SHISA6: variants seen among roughly 807,000 people sequenced by gnomAD.
SHISA6 encodes protein shisa-6.
In SHISA6, 22 loss-of-function variants were observed where a neutral mutation model predicts 47.9. The observed-to-expected ratio is 0.46, with a 90% confidence interval of 0.33 to 0.66. SHISA6 has a LOEUF of 0.66. Among genes scored for constraint, SHISA6 ranks in the 30% least tolerant of loss-of-function variants. The probability of loss-of-function intolerance (pLI) is 0.02; values close to 1 mark genes in which losing one functional copy is unlikely to be tolerated. For missense variants in SHISA6, 680 were observed against 764.6 expected, an observed-to-expected ratio of 0.89 and a Z score of 1.30; for synonymous variants, 388 against 337.8, an observed-to-expected ratio of 1.15 and a Z score of -1.63.
chr17:11,540,585 T>C (rs1408261185), intron 3 of SHISA6, among the ~76,000 whole-genome samples: 2 of 152,208 alleles, frequency 1.3e-5, no homozygotes, highest in Non-Finnish European at 2.9e-5. Context: ...CACTTTTGAA[T>C]GTAGTCCTTT....
intron 3 of SHISA6, among the ~76,000 whole-genome samples, chr17:11,516,392 T>A (rs2071585873): frequency 6.6e-6 from 1 of 152,192 alleles, no homozygotes. Flanking sequence ...TAGGGGCCCT[T>A]GACAACACAC....
intron 3 of SHISA6, among the ~76,000 whole-genome samples, chr17:11,415,274 G>T (rs754441911): frequency 6.6e-6 from 1 of 152,028 alleles, no homozygotes; most frequent in Non-Finnish European, 1.5e-5. Context: ...TAAAACTGAG[G>T]CACAGATAAT....
intron 2 of SHISA6, among the ~76,000 whole-genome samples, chr17:11,343,006 G>A (rs762123780): frequency 4.6e-5 from 7 of 152,142 alleles, no homozygotes; most frequent in Admixed American, 1.3e-4. Context: ...CAGTGCATGC[G>A]GCAGAAAGTG....
intron 1 of SHISA6, among the ~76,000 whole-genome samples, chr17:11,261,422 A>T (rs2142144958): frequency 6.6e-6 from 1 of 152,360 alleles, no homozygotes; most frequent in Middle Eastern, 3.4e-3. Flanking sequence ...CCCACTGGGC[A>T]TCAGGAGCCC....
intron 1 of SHISA6, among the ~76,000 whole-genome samples, chr17:11,259,219 G>T (rs2079729): frequency 0.01 from 1,556 of 152,264 alleles, 26 homozygotes; most frequent in African/African-American, 0.036. Flanking sequence ...GTGGTATATA[G>T]TCAGCCCCTG....
chr17:11,252,967 A>G (rs1046820057), intron 1 of SHISA6, among the ~76,000 whole-genome samples: 2 of 152,234 alleles, frequency 1.3e-5, no homozygotes, highest in East Asian at 1.9e-4. Context: ...GGAAATATCA[A>G]TGCGTTTCAG....
chr17:11,392,555 C>A (rs1372798288), intron 3 of SHISA6, among the ~76,000 whole-genome samples: 1 of 152,194 alleles, frequency 6.6e-6, no homozygotes, highest in Non-Finnish European at 1.5e-5. Flanking sequence ...CACACCTAGA[C>A]CCCGCTTTGC....
chr17:11,524,476 CT>C (rs1461997677), intron 3 of SHISA6, among the ~76,000 whole-genome samples: 2 of 150,866 alleles, frequency 1.3e-5, no homozygotes, highest in Non-Finnish European at 1.5e-5. Flanking sequence ...TCCATAATTT[CT>C]TTTCTTTTTT....
rs532639816 is a variant in SHISA6 at position 11,354,558 on chromosome 17, C to T, written c.800-24856C>T. Among the ~76,000 whole-genome samples, 4 of 152,328 alleles carry T rather than the reference C, an allele frequency of 2.6e-5. No individual in the cohort carries two copies. The East Asian group carries it at 5.8e-4, about 22-fold the overall frequency. ...CAGTTGGGAGTAAATTAATGAGACG[C>T]ATCTCAACCTCATTGTTAATGCCTC... is the stretch of plus-strand genomic sequence containing the variant. On this transcript the variant is annotated intron_variant, in intron 2 of 5. Transcript: ENST00000441885.
intron 2 of SHISA6, among the ~76,000 whole-genome samples, chr17:11,299,178 A>G (rs753733233): frequency 1.0e-3 from 154 of 152,330 alleles, no homozygotes; most frequent in Non-Finnish European, 1.7e-3. Flanking sequence ...CCTCTAGTAC[A>G]TTCTATTCTC....
intron 2 of SHISA6, among the ~76,000 whole-genome samples, chr17:11,326,380 CCTT>C (rs1910894833): frequency 2.0e-5 from 3 of 152,106 alleles, no homozygotes. Flanking sequence ...TTTGTTCACT[CCTT>C]CTTCCAGGGC....
chr17:11,251,436 C>T (rs1312164758), intron 1 of SHISA6, among the ~76,000 whole-genome samples: 2 of 150,970 alleles, frequency 1.3e-5, no homozygotes, highest in African/African-American at 4.9e-5. Context: ...AAAAAAAAAA[C>T]TTGACAATAT....
chr17:11,263,661 G>T (rs1436858115), intron 2 of SHISA6, 135 bp downstream of exon 2: 13 of 1,135,878 alleles, frequency 1.1e-5, no homozygotes, highest in Non-Finnish European at 1.5e-5. Context: ...GCTGGCAAAA[G>T]ATTTTTGGGA....
intron 3 of SHISA6, among the ~76,000 whole-genome samples, chr17:11,429,620 TAAA>T (rs34738346): frequency 3.3e-5 from 4 of 121,558 alleles, no homozygotes; most frequent in Non-Finnish European, 1.7e-5. Flanking sequence ...CATCTCTACT[TAAA>T]AAAAAAAAAA....
rs187580747 is a variant in SHISA6, at chr17:11,310,700, C to T, written c.799+47174C>T. Reference sequence around the variant, plus strand: ...TTAAAAAGATCACCTCTGGGCTGGGCGCGGTGGCTCATGCCTATAATCCCA... The same window carrying T: ...TTAAAAAGATCACCTCTGGGCTGGGTGCGGTGGCTCATGCCTATAATCCCA... On this transcript the variant is annotated intron_variant, in intron 2 of 5. Coordinates refer to ENST00000441885, the MANE Select transcript of SHISA6 (RefSeq NM_207386.4). Among the ~76,000 whole-genome samples, 5 of 152,222 alleles carry T rather than the reference C, an allele frequency of 3.3e-5. No individual in the cohort carries two copies. The South Asian group carries it at 6.2e-4, about 19-fold the overall frequency.
chr17:11,413,312 G>A (rs1914189167), intron 3 of SHISA6, among the ~76,000 whole-genome samples: 1 of 152,188 alleles, frequency 6.6e-6, no homozygotes, highest in South Asian at 2.1e-4. Flanking sequence ...AACAAACAGA[G>A]TTTATCTGCC....
chr17:11,533,582 TC>T (rs2071756423), intron 3 of SHISA6, among the ~76,000 whole-genome samples: 1 of 130,276 alleles, frequency 7.7e-6, no homozygotes, highest in African/African-American at 3.1e-5. Flanking sequence ...AGCTTCCCTT[TC>T]ATTATTTTTT....
At chr17:11,374,155 A>G (rs547525032) in intron 2 of SHISA6, among the ~76,000 whole-genome samples, 50 of 152,286 alleles carry the variant, frequency 3.3e-4, no homozygotes, top group African/African-American at 1.1e-3. Context: ...GAGATTGAAC[A>G]CTACTTTATG....
chr17:11,330,886 A>G (rs1209529235), intron 2 of SHISA6, among the ~76,000 whole-genome samples: 1 of 152,240 alleles, frequency 6.6e-6, no homozygotes, highest in Non-Finnish European at 1.5e-5. Context: ...CTCGTGAGCC[A>G]GGAACCTCTT....
Sources: allele counts gnomAD v4.1 joint callset (sites outside exome capture counted in the v4.1 genomes callset), GRCh38; gene constraint gnomAD v4.1.1; transcripts MANE v1.5; gene names NCBI Gene and HGNC (gene_info 2026-07-23, HGNC 2026-07-21).